The following CACNA2D3 variants were observed in gnomAD, a reference collection of about 807,000 sequenced individuals.
CACNA2D3 encodes calcium voltage-gated channel auxiliary subunit alpha2delta 3.
CACNA2D3 carries 60 observed loss-of-function variants against 160.6 expected under a neutral mutation model. The ratio of observed to expected loss-of-function variants is 0.37; its 90% CI spans 0.30 to 0.46. CACNA2D3 has a LOEUF of 0.46. Ranked by LOEUF, CACNA2D3 falls within the 20% of genes least tolerant of loss-of-function variation. The pLI is 1.00. For missense variants in CACNA2D3, 1,205 were observed against 1,365.0 expected (o/e 0.88, Z 1.85); for synonymous variants, 558 against 492.9 (o/e 1.13, Z -1.75).
chr3:54,570,772 G>T (rs1702483317), intron 8 of CACNA2D3, among the ~76,000 whole-genome samples: 1 of 152,236 alleles, frequency 6.6e-6, no homozygotes. Context: ...GCTGGCAAAT[G>T]GGAGATCAGG....
chr3:54,457,623 A>G (rs138540534), intron 4 of CACNA2D3, among the ~76,000 whole-genome samples: 60 of 152,134 alleles, frequency 3.9e-4, no homozygotes, highest in African/African-American at 1.4e-3. Context: ...TTTTCTGTAT[A>G]GATGATCTGT....
chr3:54,897,462 T>TG (rs1700218319), intron 26 of CACNA2D3, among the ~76,000 whole-genome samples: 1 of 152,228 alleles, frequency 6.6e-6, no homozygotes, highest in South Asian at 2.1e-4. Flanking sequence ...CCACCAGTTT[T>TG]GGAAGCAAAA....
At chr3:54,867,387 A>G (rs933625388) in intron 17 of CACNA2D3, among the ~76,000 whole-genome samples, 5 of 152,206 alleles carry the variant, frequency 3.3e-5, no homozygotes, top group African/African-American at 1.2e-4. Context: ...CTCAATAATC[A>G]TGGAAGCACC....
intron 35 of CACNA2D3, among the ~76,000 whole-genome samples, chr3:55,032,309 T>C (rs1354771142): frequency 1.1e-4 from 16 of 152,184 alleles, no homozygotes; most frequent in Non-Finnish European, 2.9e-5. Flanking sequence ...ACATCTCAGA[T>C]TGAGTTCATC....
chr3:54,570,103 CTG>C lies in CACNA2D3; in HGVS notation c.888+2_888+3del. On this transcript the variant is annotated splice_donor_variant and coding_sequence_variant, in exon 8 of 38. Coordinates refer to ENST00000474759, the MANE Select transcript of CACNA2D3 (RefSeq NM_018398.3). LOFTEE classifies it high-confidence loss of function. ...GATGATGACTTCTTCAACATAATTG[CTG>C]TGAGTGCACCGTTTTGTGCCTTCTT... 1 of 1,612,776 alleles carries C rather than the reference CTG, an allele frequency of 6.2e-7. No individual in the cohort carries two copies. Among genetic ancestry groups the C allele is most frequent in the East Asian group, 2.2e-5 (1 of 44,860 alleles).
At position 54,969,808 on chromosome 3, in the gene CACNA2D3, C is replaced by A; in HGVS notation, c.2520C>A (p.Ser840=). 1 of 1,612,696 alleles carries A rather than the reference C, an allele frequency of 6.2e-7. No individual in the cohort carries two copies. The highest frequency in any genetic ancestry group is 8.5e-7 in the Non-Finnish European group (1 of 1,179,306). Residue 840 remains serine (S), a synonymous_variant, in exon 29 of 38, where the codon TCC becomes TCA. Coordinates refer to ENST00000474759, the MANE Select transcript of CACNA2D3 (RefSeq NM_018398.3). ...ACTTTTTGCCTTCACAGTGTGCTTC[C>A]CTGGATGGCAAATGCTCCATCAGCT... ...KFWTASRQCA[S]LDGKCSISCD... is the part of the protein sequence containing the mutation.
intron 4 of CACNA2D3, among the ~76,000 whole-genome samples, chr3:54,497,381 A>G (rs1398502618): frequency 1.3e-5 from 2 of 152,054 alleles, no homozygotes; most frequent in African/African-American, 4.8e-5. Context: ...ATTCTATGCT[A>G]TCATAAATGC....
At chr3:54,269,432 G>A (rs1702576693) in intron 2 of CACNA2D3, among the ~76,000 whole-genome samples, 1 of 152,142 alleles carries the variant, frequency 6.6e-6, no homozygotes, top group Non-Finnish European at 1.5e-5. Flanking sequence ...TGAAGAATAA[G>A]ATAAAGAAAA....
intron 27 of CACNA2D3, among the ~76,000 whole-genome samples, chr3:54,921,253 G>A (rs1236425215): frequency 1.3e-5 from 2 of 152,102 alleles, no homozygotes; most frequent in African/African-American, 4.8e-5. Flanking sequence ...CTGTGCAGCC[G>A]TGAAAAACTC....
At chr3:54,207,271 C>T (rs766968244) in intron 2 of CACNA2D3, among the ~76,000 whole-genome samples, 3 of 150,662 alleles carry the variant, frequency 2.0e-5, no homozygotes, top group Non-Finnish European at 4.4e-5. Context: ...TGCTGGGAGA[C>T]GTGTGCTAGG....
At chr3:54,438,416 A>C (rs999758983) in intron 4 of CACNA2D3, among the ~76,000 whole-genome samples, 6 of 152,350 alleles carry the variant, frequency 3.9e-5, no homozygotes, top group Non-Finnish European at 7.3e-5. Flanking sequence ...TTTTACAAAT[A>C]ATTGTCAGTT....
chr3:54,469,818 A>T (rs138828296), intron 4 of CACNA2D3, among the ~76,000 whole-genome samples: 17 of 152,054 alleles, frequency 1.1e-4, no homozygotes, highest in Admixed American at 1.3e-4. Flanking sequence ...ATCAAGCGGA[A>T]GAAAGGATAT....
Position 54,642,145 on chromosome 3 carries a change from A to C in CACNA2D3, c.1071A>C (p.Gln357His). 3 of 1,612,264 alleles carry C rather than the reference A, an allele frequency of 1.9e-6. No homozygotes were observed. The highest frequency in any genetic ancestry group is 2.5e-6 in the Non-Finnish European group (3 of 1,178,900). Residue 357 changes from glutamine to histidine, a missense_variant, in exon 11 of 38, where the codon CAA (glutamine) becomes CAC (histidine). By Grantham distance (24) the Gln-to-His change is conservative (BLOSUM62 0). Transcript: ENST00000474759. The stretch of plus-strand genomic sequence containing the variant: ...TTCCCTAGTTCAACCACACGGGACA[A>C]GGAAGTATCTGCAGTCAGGCCATCA... ...NILSDFNHTG[Q>H]GSICSQAIML...
chr3:54,833,599 A>C (rs1483864698), intron 14 of CACNA2D3, among the ~76,000 whole-genome samples: 2 of 152,014 alleles, frequency 1.3e-5, no homozygotes, highest in Non-Finnish European at 2.9e-5. Flanking sequence ...GGAAAAAAAA[A>C]ACAAAACTTG....
Position 55,018,326 on chromosome 3 carries a change from T to A in CACNA2D3, c.2987+9T>A. 6.5e-7 allele frequency: 1 copy of A among 1,541,400 alleles called. No individual in the cohort carries two copies. Among genetic ancestry groups the A allele is most frequent in the Non-Finnish European group, 9.0e-7 (1 of 1,115,982 alleles). ...TGTGAAGACTGCTCCAAGTAAGCCA[T>A]CCCCCCACCCTCTAACCCCCTACAC... is the stretch of plus-strand genomic sequence containing the variant. On this transcript the variant is annotated intron_variant, in intron 35 of 37. Transcript: ENST00000474759.
intron 16 of CACNA2D3, among the ~76,000 whole-genome samples, chr3:54,844,074 G>T (rs1559602240): frequency 2.6e-5 from 4 of 152,104 alleles, no homozygotes; most frequent in Admixed American, 6.5e-5. Context: ...TGAGGGAGAG[G>T]AGAGCTAAGG....
chr3:54,217,011 G>A (rs544864703), intron 2 of CACNA2D3, among the ~76,000 whole-genome samples: 6 of 152,312 alleles, frequency 3.9e-5, no homozygotes, highest in South Asian at 4.1e-4. Context: ...GGCAGCGAGT[G>A]CTGTTAGATG....
chr3:54,578,915 C>CAGA (rs1419670357), intron 8 of CACNA2D3, among the ~76,000 whole-genome samples: 1 of 152,162 alleles, frequency 6.6e-6, no homozygotes, highest in African/African-American at 2.4e-5. Flanking sequence ...GCAGGGCCCC[C>CAGA]AGAGGGAGAC....
intron 29 of CACNA2D3, among the ~76,000 whole-genome samples, chr3:54,980,160 C>A (rs1011545247): frequency 6.6e-6 from 1 of 152,110 alleles, no homozygotes; most frequent in African/African-American, 2.4e-5. Flanking sequence ...AATGTTAAAT[C>A]CAATTCTTAA....
Sources: gnomAD v4.1 joint callset for allele counts (sites outside exome capture counted in the v4.1 genomes callset) on GRCh38, gnomAD v4.1.1 for gene constraint, MANE v1.5 for transcripts, NCBI Gene and HGNC (gene_info 2026-07-23, HGNC 2026-07-21) for gene names.